QTMAN: variants seen among roughly 807,000 people sequenced by gnomAD.
QTMAN encodes the protein queuosine-tRNA mannosyltransferase.
chr2:144,172,633 A>AG, the QTMAN span, among the ~76,000 whole-genome samples: 1 of 151,456 alleles, frequency 6.6e-6, no homozygotes, highest in East Asian at 1.9e-4. Flanking sequence ...AAAAAAAAAA[A>AG]AAAAAAAAAA....
the QTMAN span, among the ~76,000 whole-genome samples, chr2:143,997,861 G>C: frequency 6.6e-6 from 1 of 152,000 alleles, no homozygotes. Context: ...TAAGTGCCTT[G>C]ATTTCCCAGT....
At chr2:143,948,723 G>C in the QTMAN span, among the ~76,000 whole-genome samples, 1 of 152,088 alleles carries the variant, frequency 6.6e-6, no homozygotes, top group Non-Finnish European at 1.5e-5. Context: ...TATAATAAAA[G>C]TGAGGCCAAA....
the QTMAN span, among the ~76,000 whole-genome samples, chr2:144,309,818 C>A: frequency 6.6e-6 from 1 of 152,114 alleles, no homozygotes; most frequent in Non-Finnish European, 1.5e-5. Context: ...TAGCATCATT[C>A]CCCAAAGATA....
chr2:144,166,648 A>C, the QTMAN span, among the ~76,000 whole-genome samples: 1 of 152,188 alleles, frequency 6.6e-6, no homozygotes, highest in Non-Finnish European at 1.5e-5. Flanking sequence ...ATACCAGTAA[A>C]ATATACCCCA....
At chr2:143,972,312 T>G in the QTMAN span, among the ~76,000 whole-genome samples, 2 of 151,220 alleles carry the variant, frequency 1.3e-5, no homozygotes, top group Non-Finnish European at 2.9e-5. Context: ...TTGGAAACAA[T>G]ATAATATATC....
the QTMAN span, among the ~76,000 whole-genome samples, chr2:144,099,065 G>A: frequency 6.6e-6 from 1 of 152,134 alleles, no homozygotes; most frequent in South Asian, 2.1e-4. Flanking sequence ...TCAAATGGCT[G>A]AATATACATA....
chr2:144,042,023 T>C, the QTMAN span, among the ~76,000 whole-genome samples: 14 of 152,144 alleles, frequency 9.2e-5, no homozygotes, highest in Non-Finnish European at 1.9e-4. Flanking sequence ...CCACAGGCCC[T>C]GATGTGGAGT....
chr2:144,277,048 TCAGAA>T, the QTMAN span, among the ~76,000 whole-genome samples: 1 of 152,276 alleles, frequency 6.6e-6, no homozygotes, highest in Admixed American at 6.5e-5. Flanking sequence ...ACTTCTCAAA[TCAGAA>T]AAGTTCTAGT....
At chr2:144,305,355 G>T in the QTMAN span, among the ~76,000 whole-genome samples, 3 of 152,136 alleles carry the variant, frequency 2.0e-5, no homozygotes, top group African/African-American at 7.2e-5. Context: ...CTGTTGAAAA[G>T]ACTATTCTTT....
the QTMAN span, among the ~76,000 whole-genome samples, chr2:144,051,403 G>T: frequency 1.3e-4 from 20 of 152,076 alleles, no homozygotes; most frequent in African/African-American, 4.1e-4. Context: ...AGGTATGGTT[G>T]TACGCATCTT....
At chr2:144,319,371 A>G in the QTMAN span, among the ~76,000 whole-genome samples, 2 of 152,120 alleles carry the variant, frequency 1.3e-5, no homozygotes, top group Admixed American at 6.6e-5. Flanking sequence ...TCTTTACTGT[A>G]TTTCCCTTAC....
chr2:144,197,900 T>C, the QTMAN span, among the ~76,000 whole-genome samples: 1 of 152,206 alleles, frequency 6.6e-6, no homozygotes, highest in African/African-American at 2.4e-5. Flanking sequence ...GTTGGTGTTT[T>C]TGTCTGAAAA....
At chr2:144,251,857 A>G in the QTMAN span, among the ~76,000 whole-genome samples, 2 of 152,198 alleles carry the variant, frequency 1.3e-5, no homozygotes, top group African/African-American at 4.8e-5. Context: ...GCTAAAATAT[A>G]TTTTTTAAAA....
At chr2:144,184,404 T>C in the QTMAN span, among the ~76,000 whole-genome samples, 10 of 152,178 alleles carry the variant, frequency 6.6e-5, no homozygotes. Context: ...TTGCTCATAA[T>C]TCCTTAAGTG....
chr2:144,252,505 G>C, the QTMAN span, among the ~76,000 whole-genome samples: 1 of 152,148 alleles, frequency 6.6e-6, no homozygotes, highest in Admixed American at 6.5e-5. Context: ...CACGTTAATA[G>C]GAAATCACAA....
the QTMAN span, among the ~76,000 whole-genome samples, chr2:144,284,799 G>A: frequency 5.9e-5 from 9 of 152,116 alleles, no homozygotes; most frequent in East Asian, 1.9e-4. Flanking sequence ...TTAGGACGCC[G>A]TGGAGTGAGG....
chr2:144,110,155 T>C, the QTMAN span, among the ~76,000 whole-genome samples: 1 of 152,102 alleles, frequency 6.6e-6, no homozygotes, highest in Non-Finnish European at 1.5e-5. Flanking sequence ...TGTCCAACAA[T>C]GATAGACTGG....
the QTMAN span, among the ~76,000 whole-genome samples, chr2:144,326,979 G>A: frequency 1.3e-5 from 2 of 152,154 alleles, no homozygotes; most frequent in Admixed American, 6.5e-5. Context: ...CACAGCCCTT[G>A]ATCCAGTCTT....
At chr2:143,982,064 A>G in the QTMAN span, among the ~76,000 whole-genome samples, 2 of 152,186 alleles carry the variant, frequency 1.3e-5, no homozygotes, top group Non-Finnish European at 2.9e-5. Context: ...CTTACATGGA[A>G]AAGAATAAGG....
Sources: gnomAD v4.1 joint callset for allele counts (sites outside exome capture counted in the v4.1 genomes callset) on GRCh38, gnomAD v4.1.1 for gene constraint, MANE v1.5 for transcripts, NCBI Gene and HGNC (gene_info 2026-07-23, HGNC 2026-07-21) for gene names.